Variants in MEFV observed in about 807,000 individuals in gnomAD.
MEFV encodes the protein pyrin.
MEFV carries 60 observed loss-of-function variants against 62.5 expected under a neutral mutation model. The ratio of observed to expected loss-of-function variants is 0.96; its 90% CI spans 0.78 to 1.19. The LOEUF is 1.19. Ranked by LOEUF, MEFV falls within the 50% of genes most tolerant of loss-of-function variation. The pLI is 0.00. For missense variants in MEFV, 1,169 were observed against 1,004.5 expected (o/e 1.16, Z -2.21); for synonymous variants, 500 against 415.2 (o/e 1.20, Z -2.48).
chr16:3,243,391 T>TA lies in MEFV; in HGVS notation c.2095dup (p.Tyr699LeufsTer64), dbSNP rs779465251. 2.5e-6 allele frequency: 4 copies of TA among 1,614,130 alleles called. No individual in the cohort carries two copies. The South Asian group carries it at 4.4e-5, about 18-fold the overall frequency. The stretch of plus-strand genomic sequence containing the variant: ...GGTCGGGGGAACGCTGGACGCCTGG[T>TA]ACTCATTTTCCTTCATCATTATCAC... On this transcript the variant is annotated frameshift_variant, in exon 10 of 10. Coordinates refer to ENST00000219596, the MANE Select transcript of MEFV (RefSeq NM_000243.3). LOFTEE classifies it low-confidence loss of function (END_TRUNC).
chr16:3,245,391 C>T (rs1567232551), intron 6 of MEFV, among the ~76,000 whole-genome samples: 1 of 152,088 alleles, frequency 6.6e-6, no homozygotes, highest in Non-Finnish European at 1.5e-5. Context: ...CCTGCAATCC[C>T]AGCGCTTTGG....
chr16:3,249,693 C>T lies in MEFV; in HGVS notation c.998G>A (p.Ser333Asn), dbSNP rs1310589178. The change falls in exon 3 of 10, where the codon AGC (serine) becomes AAC (asparagine). Residue 333 changes from serine (S) to asparagine (N), a missense_variant. Coordinates refer to ENST00000219596, the MANE Select transcript of MEFV (RefSeq NM_000243.3). ...GTGCCCAGAAACTGCCTCGGGGAAGCTGCAGGAATCACGCACACAGGTACC... is the reference window on the plus strand; with the variant it reads ...GTGCCCAGAAACTGCCTCGGGGAAGTTGCAGGAATCACGCACACAGGTACC... ...VDGTCVRDSC[S>N]FPEAVSGHPQ... is the part of the protein sequence containing the mutation. 1.2e-6 allele frequency: 2 copies of T among 1,613,362 alleles called. No homozygotes were observed. Among genetic ancestry groups the T allele is most frequent in the East Asian group, 2.2e-5 (1 of 44,878 alleles).
rs777867857 is a variant in MEFV, at chr16:3,254,690, C to A, written c.378G>T (p.Gly126=). The A allele has an allele frequency of 4.2e-5, 67 of 1,612,484 alleles. No homozygotes were observed. Among genetic ancestry groups the A allele is most frequent in the Middle Eastern group, 1.6e-4 (1 of 6,084 alleles). Residue 126 remains glycine (G), a synonymous_variant, in exon 2 of 10, where the codon GGG becomes GGT. Coordinates refer to ENST00000219596, the MANE Select transcript of MEFV (RefSeq NM_000243.3). ...RSLKTPDHPE[G]NEGNGPRPYG... ...ACGGCCGAGGGCCGTTCCCCTCGTT[C>A]CCCTCGGGGTGGTCTGGAGTCTTCA...
At position 3,249,501 on chromosome 16, in the gene MEFV, A is replaced by G. The variant is rs889150739; in HGVS notation, c.1190T>C (p.Ile397Thr). 8.7e-6 allele frequency: 14 copies of G among 1,614,178 alleles called. No individual in the cohort carries two copies. Among genetic ancestry groups the G allele is most frequent in the Non-Finnish European group, 1.2e-5 (14 of 1,180,034 alleles). Reference sequence around the variant, plus strand: ...TTGGTGCTCCTGACTCAGACTGCAGATGAGGCAGATGGGCTCATCGTGATC... The same window carrying G: ...TTGGTGCTCCTGACTCAGACTGCAGGTGAGGCAGATGGGCTCATCGTGATC... ...CEDHDEPICL[I>T]CSLSQEHQGH... The change falls in exon 3 of 10, where the codon ATC becomes ACC. Residue 397 changes from isoleucine to threonine, a missense_variant. Physicochemically the swap from Ile to Thr is moderately conservative, Grantham distance 89 (BLOSUM62 -1). Transcript: ENST00000219596.
chr16:3,247,311 C>T, intron 4 of MEFV, 65 bp from the exon 5 acceptor site: 3 of 1,425,556 alleles, frequency 2.1e-6, no homozygotes, highest in Non-Finnish European at 3.0e-6. Context: ...TGTCCAGGAA[C>T]CCCCAGAAGC....
At chr16:3,251,678 C>T (rs990819286) in intron 2 of MEFV, among the ~76,000 whole-genome samples, 4 of 152,176 alleles carry the variant, frequency 2.6e-5, no homozygotes, top group African/African-American at 9.7e-5. Context: ...AGAATCTCAA[C>T]CCCATGATGA....
intron 1 of MEFV, among the ~76,000 whole-genome samples, chr16:3,256,022 C>T (rs1959110638): frequency 6.6e-6 from 1 of 152,138 alleles, no homozygotes; most frequent in African/African-American, 2.4e-5. Context: ...GAGTATTAAT[C>T]ATAAATGTAG....
At chr16:3,248,781 T>G in intron 4 of MEFV, 128 bp downstream of exon 4, 33 of 1,588,262 alleles carry the variant, frequency 2.1e-5, no homozygotes, top group Non-Finnish European at 2.7e-5. Context: ...CTGGTTACCC[T>G]CTGTCCCCTG....
intron 2 of MEFV, among the ~76,000 whole-genome samples, chr16:3,253,860 A>G (rs1375025348): frequency 6.6e-6 from 1 of 152,166 alleles, no homozygotes; most frequent in Non-Finnish European, 1.5e-5. Flanking sequence ...TGTGTTGCCT[A>G]GGCTAGTATG....
Position 3,242,927 on chromosome 16 carries a change from G to T in MEFV, c.*214C>A. Reference sequence around the variant, plus strand: ...CGTACTTCCTCCTCTGAAATCCATGGTGTGTCATCAGTACATGTCTTCACC... The same window carrying T: ...CGTACTTCCTCCTCTGAAATCCATGTTGTGTCATCAGTACATGTCTTCACC... On this transcript the variant is annotated 3_prime_UTR_variant, in exon 10 of 10. Transcript: ENST00000219596. The T allele has an allele frequency of 1.7e-6, 1 of 599,344 alleles. No individual in the cohort carries two copies. Among genetic ancestry groups the T allele is most frequent in the Non-Finnish European group, 3.0e-6 (1 of 335,608 alleles). The allele number at this position is 599,344 out of a possible 1,614,324, so 37.1% of individuals were successfully genotyped here. A position where few individuals can be genotyped will look rare whatever the true frequency, so the allele number is the denominator to read the frequency against.
At chr16:3,252,000 T>G in intron 2 of MEFV, 1 of 430,664 alleles carries the variant, frequency 2.3e-6, no homozygotes, top group Middle Eastern at 5.5e-4. Flanking sequence ...GAGGATTGTT[T>G]GAGATCAGGA....
rs104895076 is a variant in MEFV at position 3,254,625 on chromosome 16, T to A, written c.443A>T (p.Glu148Val). 63 of 1,604,930 alleles carry A rather than the reference T, an allele frequency of 3.9e-5. No individual in the cohort carries two copies. The Middle Eastern group carries it at 6.6e-4, about 17-fold the overall frequency. Reference protein sequence around the residue: ...GAASLRCSQPEAGRGLSRKPL... With the variant: ...GAASLRCSQPVAGRGLSRKPL... ...CTTCCTCGACAGCCCCCTCCCGGCCTCGGGCTGGCTGCACCGCAGGCTGGC... is the reference window on the plus strand; with the variant it reads ...CTTCCTCGACAGCCCCCTCCCGGCCACGGGCTGGCTGCACCGCAGGCTGGC... Residue 148 changes from glutamate (E) to valine (V), a missense_variant, in exon 2 of 10, where the codon GAG becomes GTG. Physicochemically the swap from Glu to Val is moderately radical, Grantham distance 121. Coordinates refer to ENST00000219596, the MANE Select transcript of MEFV (RefSeq NM_000243.3).
chr16:3,248,585 G>T, intron 4 of MEFV: 1 of 475,482 alleles, frequency 2.1e-6, no homozygotes. Flanking sequence ...GCGAGACTCC[G>T]TCACAAAAAA....
rs1033941048 is a variant in MEFV at position 3,244,514 on chromosome 16, T to C, written c.1685A>G (p.Gln562Arg). ...GCTCTTCTCCACAAACTCTGACTTC[T>C]GGTGGAGGAGTTGGATCTTTTGTTT... ...EIKQKIQLLH[Q>R]KSEFVEKSTK... The change falls in exon 7 of 10, where the codon CAG becomes CGG. Residue 562 changes from glutamine (Q) to arginine (R), a missense_variant. Physicochemically the swap from Gln to Arg is conservative, Grantham distance 43. Transcript: ENST00000219596. 5.0e-6 allele frequency: 8 copies of C among 1,614,198 alleles called. No individual in the cohort carries two copies. In the East Asian group the frequency reaches 1.8e-4, roughly 36 times the overall value.
rs991304757 is a variant in MEFV, at chr16:3,256,174, T to C, written c.277+137A>G. On this transcript the variant is annotated intron_variant, in intron 1 of 9. Transcript: ENST00000219596. ...AGTGAAGAAAGGGACGTTCCTGAAC[T>C]AAAGTCATCTGGATTTTGGTAGACC... 3.8e-6 allele frequency: 4 copies of C among 1,051,416 alleles called. No homozygotes were observed. In the African/African-American group the frequency reaches 4.7e-5, roughly 12 times the overall value. 65.1% of individuals were successfully genotyped at this position (1,051,416 alleles called of 1,614,324 possible). A position where few individuals can be genotyped will look rare whatever the true frequency, so the allele number is the denominator to read the frequency against.
In MEFV at chr16:3,254,437, C is replaced by T. The variant is rs1189709287; in HGVS notation, c.631G>A (p.Gly211Arg). The T allele has an allele frequency of 6.2e-7, 1 of 1,611,044 alleles. No individual in the cohort carries two copies. The highest frequency in any genetic ancestry group is 8.5e-7 in the Non-Finnish European group (1 of 1,178,714). The change falls in exon 2 of 10, where the codon GGG becomes AGG. Residue 211 changes from glycine to arginine, a missense_variant. By Grantham distance (125) the Gly-to-Arg change is moderately radical. Transcript: ENST00000219596. ...VRLRRNASSA[G>R]RLQGLAGGAP... ...CCCCCCGCCAGCCCCTGCAGCCTCC[C>T]CGCGGAGCTGGCGTTTCTGCGCAGC...
intron 1 of MEFV, among the ~76,000 whole-genome samples, chr16:3,255,157 A>G (rs933636644): frequency 6.6e-6 from 1 of 152,012 alleles, no homozygotes; most frequent in Non-Finnish European, 1.5e-5. Context: ...TTCCTACTAA[A>G]AATAAGAAAC....
rs1453171275 is a variant in MEFV, at chr16:3,249,738, T to C, written c.953A>G (p.Gln318Arg). 1.9e-6 allele frequency: 3 copies of C among 1,614,116 alleles called. No individual in the cohort carries two copies. The highest frequency in any genetic ancestry group is 1.3e-5 in the African/African-American group (1 of 75,058). ...DTAASPRCHAQEGDPVDGTCV... is the reference protein window; with the variant it reads ...DTAASPRCHAREGDPVDGTCV... ...GGTACCGTCAACTGGGTCTCCTTCC[T>C]GGGCGTGGCAGCGGGGACTCGCAGC... The change falls in exon 3 of 10, where the codon CAG (glutamine) becomes CGG (arginine). Residue 318 changes from glutamine (Q) to arginine (R), a missense_variant. Transcript: ENST00000219596.
chr16:3,255,396 T>C (rs371599622), intron 1 of MEFV, among the ~76,000 whole-genome samples: 2 of 152,164 alleles, frequency 1.3e-5, no homozygotes, highest in East Asian at 1.9e-4. Context: ...GATGTTGCTA[T>C]GTATTTCTCT....
Sources: allele counts gnomAD v4.1 joint callset (sites outside exome capture counted in the v4.1 genomes callset), GRCh38; gene constraint gnomAD v4.1.1; transcripts MANE v1.5; gene names NCBI Gene and HGNC (gene_info 2026-07-23, HGNC 2026-07-21).